LSAMP: variants seen among roughly 807,000 people sequenced by gnomAD.
LSAMP encodes the protein limbic system-associated membrane protein.
In LSAMP, 7 loss-of-function variants were observed where a neutral mutation model predicts 38.6. The observed-to-expected ratio is 0.18, with a 90% CI of 0.10 to 0.34. The LOEUF is 0.34. Among genes scored for constraint, LSAMP ranks in the 10% least tolerant of loss-of-function variants. The pLI is 1.00. For missense variants in LSAMP, 313 were observed against 420.0 expected, an observed-to-expected ratio of 0.75 and a Z score of 2.23; for synonymous variants, 154 against 166.8, an observed-to-expected ratio of 0.92 and a Z score of 0.59.
chr3:116,251,811 G>A (rs1055212475), intron 1 of LSAMP, among the ~76,000 whole-genome samples: 2 of 152,196 alleles, frequency 1.3e-5, no homozygotes, highest in Non-Finnish European at 2.9e-5. Flanking sequence ...ATTCAGTTAT[G>A]TAGCTCTTAA....
chr3:116,173,580 T>C (rs1023205183), intron 1 of LSAMP, among the ~76,000 whole-genome samples: 1 of 152,002 alleles, frequency 6.6e-6, no homozygotes, highest in Non-Finnish European at 1.5e-5. Context: ...AAAATATATG[T>C]GTGCAAACCT....
intron 3 of LSAMP, among the ~76,000 whole-genome samples, chr3:115,932,842 T>G (rs1014719823): frequency 3.9e-5 from 6 of 152,158 alleles, no homozygotes; most frequent in African/African-American, 1.4e-4. Flanking sequence ...AGTAACTCAA[T>G]AAATAAGAGA....
At chr3:115,861,820 T>G (rs10934308) in intron 3 of LSAMP, among the ~76,000 whole-genome samples, 29,453 of 152,070 alleles carry the variant, frequency 0.19, 3,641 homozygotes, top group African/African-American at 0.33. Flanking sequence ...TAAGAGATTT[T>G]AGCTAACTGT....
Position 115,984,252 on chromosome 3 carries a change from A to G in LSAMP, c.514+35263T>C, listed in dbSNP as rs564223943. ...AAAAAAATCAGGAGTAAAAATGGAT[A>G]TGAATGGGAAACATGATCAATTCAA... On this transcript the variant is annotated intron_variant, in intron 3 of 6. Transcript: ENST00000490035. Among the ~76,000 whole-genome samples, 7 of 152,314 alleles carry G rather than the reference A, an allele frequency of 4.6e-5. No individual in the cohort carries two copies. In the South Asian group the frequency reaches 1.5e-3, roughly 32 times the overall value.
chr3:115,956,908 C>A (rs1477597734), intron 3 of LSAMP, among the ~76,000 whole-genome samples: 2 of 152,146 alleles, frequency 1.3e-5, no homozygotes, highest in African/African-American at 2.4e-5. Context: ...TTGAAGAAGT[C>A]ATTCCAACAT....
At position 115,852,408 on chromosome 3, in the gene LSAMP, T is replaced by G. The variant is rs116806036; in HGVS notation, c.649+75A>C. 2.6e-3 allele frequency: 3,781 copies of G among 1,479,074 alleles called. 77 individuals are homozygous for G. The African/African-American group carries it at 0.048, about 19-fold the overall frequency. The allele number at this position is 1,479,074 out of a possible 1,614,324, so 91.6% of individuals were successfully genotyped here. A position where few individuals can be genotyped will look rare whatever the true frequency, so the allele number is the denominator to read the frequency against. The stretch of plus-strand genomic sequence containing the variant: ...TTGAAATACAATGTTCTTTTGCTAA[T>G]GGAATCTTTAGAGCTCACTGGAGGT... On this transcript the variant is annotated intron_variant, in intron 4 of 6. Transcript: ENST00000490035.
intron 1 of LSAMP, among the ~76,000 whole-genome samples, chr3:116,368,728 T>C (rs991052095): frequency 6.6e-6 from 1 of 152,100 alleles, no homozygotes; most frequent in Non-Finnish European, 1.5e-5. Flanking sequence ...CAGCTATAAG[T>C]GTAAGATAAA....
intron 3 of LSAMP, among the ~76,000 whole-genome samples, chr3:115,990,194 C>T (rs947931555): frequency 5.3e-5 from 8 of 152,022 alleles, no homozygotes; most frequent in Non-Finnish European, 8.8e-5. Context: ...AGATAGAAAT[C>T]TCCCTGCACT....
At chr3:116,055,261 C>T (rs892684077) in intron 2 of LSAMP, among the ~76,000 whole-genome samples, 6 of 152,210 alleles carry the variant, frequency 3.9e-5, no homozygotes, top group African/African-American at 4.8e-5. Context: ...TACTGACATG[C>T]GCTATTTGTC....
chr3:116,086,021 G>A (rs552681665), intron 2 of LSAMP, among the ~76,000 whole-genome samples: 12 of 152,300 alleles, frequency 7.9e-5, no homozygotes, highest in African/African-American at 2.9e-4. Context: ...CATTCTGTGT[G>A]TTCTGGTATC....
chr3:116,254,100 A>C (rs1310419890), intron 1 of LSAMP, among the ~76,000 whole-genome samples: 2 of 152,170 alleles, frequency 1.3e-5, no homozygotes, highest in African/African-American at 4.8e-5. Flanking sequence ...TACCCTAAAT[A>C]TATGTGGAAT....
At chr3:116,440,981 A>C (rs181061057) in intron 1 of LSAMP, among the ~76,000 whole-genome samples, 1 of 152,242 alleles carries the variant, frequency 6.6e-6, no homozygotes, top group African/African-American at 2.4e-5. Context: ...AGATAAACAG[A>C]AATTTGAACA....
At chr3:115,819,763 T>C (rs760402857) in intron 6 of LSAMP, among the ~76,000 whole-genome samples, 8 of 152,250 alleles carry the variant, frequency 5.3e-5, no homozygotes, top group Non-Finnish European at 1.0e-4. Context: ...CCTATGCCTG[T>C]AATAAATCAA....
At chr3:116,097,221 A>G (rs1708243882) in intron 1 of LSAMP, among the ~76,000 whole-genome samples, 1 of 152,254 alleles carries the variant, frequency 6.6e-6, no homozygotes, top group South Asian at 2.1e-4. Flanking sequence ...CTAGATGGAA[A>G]AAAAATATGG....
At chr3:115,953,404 TACAC>T (rs71616336) in intron 3 of LSAMP, among the ~76,000 whole-genome samples, 7,581 of 143,206 alleles carry the variant, frequency 0.053, 313 homozygotes, top group African/African-American at 0.12. Flanking sequence ...GTAGTGTGCG[TACAC>T]ACACACACAC....
At chr3:116,102,695 G>T (rs1708373849) in intron 1 of LSAMP, among the ~76,000 whole-genome samples, 1 of 152,148 alleles carries the variant, frequency 6.6e-6, no homozygotes, top group South Asian at 2.1e-4. Context: ...CAGCTTTCCT[G>T]AGTCTTCAGC....
intron 1 of LSAMP, among the ~76,000 whole-genome samples, chr3:116,388,112 G>A (rs1300586783): frequency 6.6e-6 from 1 of 151,996 alleles, no homozygotes; most frequent in Non-Finnish European, 1.5e-5. Flanking sequence ...AGAGAGAGAG[G>A]GGCATTTTGG....
intron 1 of LSAMP, among the ~76,000 whole-genome samples, chr3:116,129,532 T>C (rs189856903): frequency 9.2e-5 from 14 of 152,306 alleles, no homozygotes; most frequent in Non-Finnish European, 1.8e-4. Flanking sequence ...GTGAAGGGTA[T>C]GGCCCAGCTT....
chr3:116,199,535 A>T (rs1445503800), intron 1 of LSAMP, among the ~76,000 whole-genome samples: 1 of 152,186 alleles, frequency 6.6e-6, no homozygotes, highest in Non-Finnish European at 1.5e-5. Flanking sequence ...ACAGAGTAGA[A>T]GTGTAAGCAC....
Sources: allele counts gnomAD v4.1 joint callset (sites outside exome capture counted in the v4.1 genomes callset), GRCh38; gene constraint gnomAD v4.1.1; transcripts MANE v1.5; gene names NCBI Gene and HGNC (gene_info 2026-07-23, HGNC 2026-07-21).